Variants in BMPR1A observed in about 807,000 individuals in gnomAD.
BMPR1A encodes bone morphogenetic protein receptor type 1A.
BMPR1A carries 7 observed loss-of-function variants against 66.0 expected under a neutral mutation model. That is an observed-to-expected ratio of 0.11 (90% CI 0.06 to 0.20). The LOEUF (loss-of-function observed/expected upper bound fraction) is 0.20, where lower values mean the gene tolerates loss of function less well. BMPR1A is among the 10% of genes least tolerant of loss of function. BMPR1A has a pLI of 1.00. For missense variants in BMPR1A, 408 were observed against 669.1 expected, an observed-to-expected ratio of 0.61 and a Z score of 4.31; for synonymous variants, 200 against 229.7, an observed-to-expected ratio of 0.87 and a Z score of 1.17.
At chr10:86,884,370 G>T (rs1199293064) in intron 3 of BMPR1A, among the ~76,000 whole-genome samples, 1 of 138,500 alleles carries the variant, frequency 7.2e-6, no homozygotes, top group Admixed American at 7.7e-5. Flanking sequence ...ACAGGCATGA[G>T]CCACCATGCC....
chr10:86,891,356 A>G (rs1177704931), intron 4 of BMPR1A, among the ~76,000 whole-genome samples: 8 of 152,224 alleles, frequency 5.3e-5, no homozygotes, highest in Non-Finnish European at 1.5e-5. Context: ...TGAATCATCC[A>G]TTTTAACAGA....
At chr10:86,827,357 T>C (rs1163348954) in intron 1 of BMPR1A, among the ~76,000 whole-genome samples, 1 of 152,196 alleles carries the variant, frequency 6.6e-6, no homozygotes, top group Non-Finnish European at 1.5e-5. Flanking sequence ...TAGCCGAAGT[T>C]CATTAATTTT....
intron 1 of BMPR1A, among the ~76,000 whole-genome samples, chr10:86,766,112 G>T (rs1452268630): frequency 6.6e-6 from 1 of 151,044 alleles, no homozygotes; most frequent in African/African-American, 2.4e-5. Flanking sequence ...TCAGCCTCCT[G>T]AATAGCTGGG....
At chr10:86,764,700 C>T (rs753319738) in intron 1 of BMPR1A, among the ~76,000 whole-genome samples, 43 of 152,138 alleles carry the variant, frequency 2.8e-4, no homozygotes, top group Non-Finnish European at 5.6e-4. Context: ...CGTAAATATC[C>T]GATTCAGGTT....
chr10:86,921,824 G>A, intron 11 of BMPR1A, 129 bp downstream of exon 11: 1 of 1,154,398 alleles, frequency 8.7e-7, no homozygotes, highest in South Asian at 1.4e-5. Flanking sequence ...ATTGGATAAG[G>A]AGTTATTTTG....
At chr10:86,845,420 C>T (rs1216124126) in intron 2 of BMPR1A, among the ~76,000 whole-genome samples, 1 of 152,198 alleles carries the variant, frequency 6.6e-6, no homozygotes, top group Non-Finnish European at 1.5e-5. Flanking sequence ...TGAGCTTTAA[C>T]TCCGGCAGGT....
At chr10:86,799,578 A>G (rs1249906814) in intron 1 of BMPR1A, among the ~76,000 whole-genome samples, 2 of 143,102 alleles carry the variant, frequency 1.4e-5, no homozygotes, top group Non-Finnish European at 3.0e-5. Flanking sequence ...TTGAGACAAG[A>G]TCTTGCTCTG....
intron 1 of BMPR1A, among the ~76,000 whole-genome samples, chr10:86,775,108 CTGTT>C (rs1463039204): frequency 6.6e-6 from 1 of 152,172 alleles, no homozygotes; most frequent in Non-Finnish European, 1.5e-5. Context: ...AGAATGTGTA[CTGTT>C]TGTTTATGCT....
chr10:86,874,705 C>T (rs1385028349), intron 2 of BMPR1A, among the ~76,000 whole-genome samples: 1 of 140,936 alleles, frequency 7.1e-6, no homozygotes, highest in African/African-American at 2.7e-5. Context: ...CTGCACCCGA[C>T]CTTCTTTTTT....
chr10:86,807,593 G>C (rs1841907634), intron 1 of BMPR1A, among the ~76,000 whole-genome samples: 1 of 151,774 alleles, frequency 6.6e-6, no homozygotes, highest in Non-Finnish European at 1.5e-5. Context: ...ATGTTGGCTA[G>C]TCTGGTCTTG....
At chr10:86,892,443 T>A (rs1332656516) in intron 5 of BMPR1A, among the ~76,000 whole-genome samples, 1 of 152,206 alleles carries the variant, frequency 6.6e-6, no homozygotes, top group African/African-American at 2.4e-5. Context: ...TTGATTACAA[T>A]TTCCTTTTTT....
chr10:86,804,239 A>C (rs1841852946), intron 1 of BMPR1A, among the ~76,000 whole-genome samples: 2 of 152,038 alleles, frequency 1.3e-5, no homozygotes, highest in South Asian at 4.2e-4. Context: ...GTTTTGTATC[A>C]CATAGTTTTC....
chr10:86,836,266 G>T (rs1161789097), intron 1 of BMPR1A, among the ~76,000 whole-genome samples: 2 of 151,526 alleles, frequency 1.3e-5, no homozygotes, highest in Admixed American at 1.3e-4. Context: ...TTATAGATCT[G>T]TGCTCATAGG....
rs1210494059 is a variant in BMPR1A at position 86,906,600 on chromosome 10, T to C, written c.531-5640T>C. 2.4e-5 allele frequency among the ~76,000 whole-genome samples: 2 copies of C among 83,000 alleles called. 1 individual carries two copies. Among genetic ancestry groups the C allele is most frequent in the Non-Finnish European group, 4.0e-5 (2 of 49,414 alleles). The allele number at this position is 83,000 out of a possible 152,430, so 54.5% of individuals were successfully genotyped here. A position where few individuals can be genotyped will look rare whatever the true frequency, so the allele number is the denominator to read the frequency against. On this transcript the variant is annotated intron_variant, in intron 7 of 12. Transcript: ENST00000372037. ...TTAGCCAGGCGTGGTGGCGGGCGCC[T>C]GTAGTCCCAGCTACTCGGGAGGCTG...
chr10:86,868,113 C>A (rs2133274630), intron 2 of BMPR1A, among the ~76,000 whole-genome samples: 1 of 152,280 alleles, frequency 6.6e-6, no homozygotes, highest in Non-Finnish European at 1.5e-5. Flanking sequence ...GCATGGTTGG[C>A]TCTCTTTGCT....
intron 1 of BMPR1A, among the ~76,000 whole-genome samples, chr10:86,757,857 C>A (rs971359404): frequency 1.3e-5 from 2 of 152,194 alleles, no homozygotes; most frequent in Admixed American, 6.5e-5. Flanking sequence ...ACATCGTATT[C>A]TGGCAAACGA....
intron 2 of BMPR1A, among the ~76,000 whole-genome samples, chr10:86,848,501 A>T (rs567323121): frequency 1.3e-5 from 2 of 152,112 alleles, no homozygotes; most frequent in East Asian, 3.9e-4. Context: ...TGAACTTTCT[A>T]GATAATTTCA....
At chr10:86,830,773 A>G (rs1842257782) in intron 1 of BMPR1A, among the ~76,000 whole-genome samples, 1 of 151,680 alleles carries the variant, frequency 6.6e-6, no homozygotes. Context: ...CCTGTACCTC[A>G]TTTTTTTGCC....
intron 7 of BMPR1A, among the ~76,000 whole-genome samples, chr10:86,905,053 TC>T (rs1224715342): frequency 6.6e-6 from 1 of 152,254 alleles, no homozygotes; most frequent in Non-Finnish European, 1.5e-5. Context: ...GAGAGGTCTG[TC>T]CGTCAGCATA....
Sources: allele counts gnomAD v4.1 joint callset (sites outside exome capture counted in the v4.1 genomes callset), GRCh38; gene constraint gnomAD v4.1.1; transcripts MANE v1.5; gene names NCBI Gene and HGNC (gene_info 2026-07-23, HGNC 2026-07-21).